The following LRMDA variants were observed in gnomAD, a reference collection of about 807,000 sequenced individuals.
The protein encoded by LRMDA is leucine rich melanocyte differentiation associated, also known as leucine-rich melanocyte differentiation-associated protein.
A neutral mutation model predicts 29.8 loss-of-function variants in LRMDA; 18 were observed. The ratio of observed to expected loss-of-function variants is 0.60; its 90% confidence interval spans 0.42 to 0.90. LRMDA has a LOEUF of 0.90. Among genes scored for constraint, LRMDA ranks in the 40% least tolerant of loss-of-function variants. The pLI, the probability that LRMDA is intolerant of heterozygous loss-of-function variation, is 0.00. For synonymous variants in LRMDA, 125 were observed against 109.4 expected, an observed-to-expected ratio of 1.14 and a Z score of -0.89; for missense variants, 273 against 273.9, an observed-to-expected ratio of 1.00 and a Z score of 0.02.
chr10:76,185,511 A>G (rs1316653455), intron 5 of LRMDA, among the ~76,000 whole-genome samples: 2 of 152,164 alleles, frequency 1.3e-5, no homozygotes, highest in African/African-American at 4.8e-5. Flanking sequence ...TTGCACAAAT[A>G]TTGTTATTAT....
chr10:75,627,185 T>C (rs531863303), intron 2 of LRMDA, among the ~76,000 whole-genome samples: 1 of 152,358 alleles, frequency 6.6e-6, no homozygotes, highest in East Asian at 1.9e-4. Flanking sequence ...TTTCTATGTC[T>C]TTTACTTACC....
intron 5 of LRMDA, among the ~76,000 whole-genome samples, chr10:76,163,124 T>C (rs1256772243): frequency 6.6e-6 from 1 of 152,196 alleles, no homozygotes. Flanking sequence ...GGCAGCTCAG[T>C]CAGCGTCTCC....
At chr10:75,715,188 G>A (rs1039804569) in intron 2 of LRMDA, among the ~76,000 whole-genome samples, 2 of 152,092 alleles carry the variant, frequency 1.3e-5, no homozygotes, top group Non-Finnish European at 2.9e-5. Flanking sequence ...ATTCTCTTAC[G>A]GTCAATATGG....
chr10:75,541,864 AG>A (rs1368174495), intron 2 of LRMDA, among the ~76,000 whole-genome samples: 1 of 152,140 alleles, frequency 6.6e-6, no homozygotes, highest in Admixed American at 6.6e-5. Context: ...TGATACTCTG[AG>A]GGGGACATGT....
intron 6 of LRMDA, among the ~76,000 whole-genome samples, chr10:76,347,107 A>G (rs1375214058): frequency 6.6e-6 from 1 of 152,228 alleles, no homozygotes; most frequent in East Asian, 1.9e-4. Context: ...ACAGATAGAT[A>G]AAGGTATGGC....
chr10:75,736,730 C>T (rs1229530818), intron 2 of LRMDA, among the ~76,000 whole-genome samples: 4 of 152,202 alleles, frequency 2.6e-5, no homozygotes, highest in Non-Finnish European at 4.4e-5. Context: ...ATTGCCAGCA[C>T]ATCTATCTAT....
chr10:75,769,773 A>G (rs1189549997), intron 2 of LRMDA, among the ~76,000 whole-genome samples: 1 of 152,182 alleles, frequency 6.6e-6, no homozygotes, highest in African/African-American at 2.4e-5. Flanking sequence ...TGTCTTGTGT[A>G]GCCGCTTGAT....
At chr10:76,401,607 A>G (rs1841849616) in intron 6 of LRMDA, among the ~76,000 whole-genome samples, 1 of 152,158 alleles carries the variant, frequency 6.6e-6, no homozygotes, top group African/African-American at 2.4e-5. Flanking sequence ...CCACCATGGC[A>G]GAGGCCTGGG....
intron 2 of LRMDA, among the ~76,000 whole-genome samples, chr10:75,480,735 G>A (rs932718532): frequency 6.6e-6 from 1 of 152,336 alleles, no homozygotes; most frequent in Middle Eastern, 3.4e-3. Context: ...TGGTTGTTGT[G>A]GAGAGAATGG....
chr10:75,639,245 G>A (rs1841424114), intron 2 of LRMDA, among the ~76,000 whole-genome samples: 3 of 152,160 alleles, frequency 2.0e-5, no homozygotes, highest in African/African-American at 2.4e-5. Flanking sequence ...CCCAAACAAG[G>A]CATTTTTTTG....
intron 2 of LRMDA, among the ~76,000 whole-genome samples, chr10:75,911,125 T>C (rs1226209982): frequency 6.6e-6 from 1 of 152,176 alleles, no homozygotes; most frequent in Non-Finnish European, 1.5e-5. Context: ...GGAGAGTAGA[T>C]ACCTTGGAGA....
intron 5 of LRMDA, among the ~76,000 whole-genome samples, chr10:76,164,890 T>C (rs192507030): frequency 1.9e-4 from 29 of 152,364 alleles, no homozygotes; most frequent in African/African-American, 7.0e-4. Flanking sequence ...ATTACAACAG[T>C]GAACAAAGGG....
chr10:75,533,776 G>A (rs1845506017), intron 2 of LRMDA, among the ~76,000 whole-genome samples: 1 of 152,170 alleles, frequency 6.6e-6, no homozygotes, highest in Non-Finnish European at 1.5e-5. Flanking sequence ...CTCAGAGGAT[G>A]AGAGGAGAGA....
rs145951754 is a variant in LRMDA, at chr10:76,428,844, A to G, written c.601+104359A>G. ...AAGGCTCTGCCAGGCAAAGCAAGAG[A>G]AAGAAAGGGGAAGGATTTGAGAAGG... On this transcript the variant is annotated intron_variant, in intron 6 of 6. Coordinates refer to ENST00000611255, the MANE Select transcript of LRMDA (RefSeq NM_001305581.2). Among the ~76,000 whole-genome samples the G allele has an allele frequency of 7.7e-3, 1,177 of 152,318 alleles. 7 individuals carry two copies. The highest frequency in any genetic ancestry group is 0.012 in the Admixed American group (188 of 15,292).
chr10:76,429,240 C>T (rs898511780), intron 6 of LRMDA, among the ~76,000 whole-genome samples: 1 of 152,054 alleles, frequency 6.6e-6, no homozygotes, highest in Admixed American at 6.6e-5. Context: ...ATGGACTTAG[C>T]TCACCTTTAG....
chr10:76,407,062 A>G (rs1317614632), intron 6 of LRMDA, among the ~76,000 whole-genome samples: 1 of 152,144 alleles, frequency 6.6e-6, no homozygotes, highest in African/African-American at 2.4e-5. Context: ...CCATGCCTCA[A>G]AAAGCTCATA....
intron 6 of LRMDA, among the ~76,000 whole-genome samples, chr10:76,472,444 A>G (rs1313342155): frequency 6.6e-6 from 1 of 151,784 alleles, no homozygotes; most frequent in Non-Finnish European, 1.5e-5. Flanking sequence ...TGTAAATGCT[A>G]CTACAAACTG....
At chr10:76,547,023 G>A (rs1233771769) in intron 6 of LRMDA, among the ~76,000 whole-genome samples, 1 of 152,152 alleles carries the variant, frequency 6.6e-6, no homozygotes, top group Non-Finnish European at 1.5e-5. Context: ...CCCTGAGAGG[G>A]AAGACAATGC....
intron 2 of LRMDA, among the ~76,000 whole-genome samples, chr10:75,590,726 C>CTTTTTTTTTTTTTTTTTTT (rs67966004): frequency 2.8e-5 from 2 of 71,384 alleles, no homozygotes; most frequent in African/African-American, 1.1e-4. Flanking sequence ...ATAAAATAGT[C>CTTTTTTTTTTTTTTTTTTT]TTTTTTTTTT....
Sources: allele counts gnomAD v4.1 joint callset (sites outside exome capture counted in the v4.1 genomes callset), GRCh38; gene constraint gnomAD v4.1.1; transcripts MANE v1.5; gene names NCBI Gene and HGNC (gene_info 2026-07-23, HGNC 2026-07-21).